The following AGBL4 variants were observed in gnomAD, a reference collection of about 807,000 sequenced individuals.
The protein encoded by AGBL4 is AGBL carboxypeptidase 4.
Under a neutral mutation model 66.4 loss-of-function variants are expected in AGBL4, and 58 were observed. The ratio of observed to expected loss-of-function variants is 0.87; its 90% confidence interval spans 0.71 to 1.09. The LOEUF (loss-of-function observed/expected upper bound fraction) is 1.09. Ranked by LOEUF, AGBL4 falls within the 50% of genes least tolerant of loss-of-function variation. The pLI, the probability that AGBL4 is intolerant of heterozygous loss-of-function variation, is 0.00. For missense variants in AGBL4, 579 were observed against 631.0 expected (o/e 0.92, Z 0.88); for synonymous variants, 234 against 222.9 (o/e 1.05, Z -0.44).
intron 4 of AGBL4, among the ~76,000 whole-genome samples, chr1:49,152,963 A>C (rs1646366186): frequency 6.6e-6 from 1 of 152,116 alleles, no homozygotes; most frequent in African/African-American, 2.4e-5. Flanking sequence ...TGTCTGCCTC[A>C]CAATCAGAAT....
intron 3 of AGBL4, among the ~76,000 whole-genome samples, chr1:49,432,642 A>G (rs1275699325): frequency 6.6e-6 from 1 of 152,152 alleles, no homozygotes; most frequent in African/African-American, 2.4e-5. Context: ...TTTTTATATT[A>G]TATAAATCTC....
intron 1 of AGBL4, among the ~76,000 whole-genome samples, chr1:49,856,989 C>CAAA (rs879541846): frequency 7.7e-6 from 1 of 129,846 alleles, no homozygotes. Context: ...AAGCTTCTGC[C>CAAA]AAAAAAAAAA....
intron 5 of AGBL4, among the ~76,000 whole-genome samples, chr1:48,909,741 A>G (rs2148879235): frequency 6.6e-6 from 1 of 152,366 alleles, no homozygotes; most frequent in Non-Finnish European, 1.5e-5. Flanking sequence ...ATACGTACGA[A>G]ACATACAGAA....
intron 3 of AGBL4, among the ~76,000 whole-genome samples, chr1:49,522,494 A>G (rs1048617658): frequency 3.9e-5 from 6 of 152,082 alleles, no homozygotes; most frequent in African/African-American, 1.4e-4. Flanking sequence ...TACCTGCCCT[A>G]TTAGACTATA....
chr1:49,939,305 C>G (rs1417384069), intron 1 of AGBL4, among the ~76,000 whole-genome samples: 1 of 151,216 alleles, frequency 6.6e-6, no homozygotes, highest in African/African-American at 2.4e-5. Flanking sequence ...TCAATGCCAT[C>G]CCCATCAAGC....
At chr1:49,967,009 G>C (rs993076045) in intron 1 of AGBL4, among the ~76,000 whole-genome samples, 20 of 152,148 alleles carry the variant, frequency 1.3e-4, no homozygotes, top group African/African-American at 4.8e-4. Flanking sequence ...TAATCCTTGG[G>C]GTATATACCC....
intron 9 of AGBL4, among the ~76,000 whole-genome samples, chr1:48,604,657 C>T (rs1008500980): frequency 3.3e-5 from 5 of 151,926 alleles, no homozygotes; most frequent in Non-Finnish European, 5.9e-5. Context: ...TAATCAAATA[C>T]TTAGGCCCTC....
chr1:49,236,712 C>T (rs1224804944), intron 4 of AGBL4, among the ~76,000 whole-genome samples: 2 of 151,976 alleles, frequency 1.3e-5, no homozygotes, highest in Non-Finnish European at 2.9e-5. Flanking sequence ...GTGTATAGTT[C>T]TATGTCATCT....
chr1:49,918,698 A>T (rs1327869595), intron 1 of AGBL4, among the ~76,000 whole-genome samples: 5 of 152,186 alleles, frequency 3.3e-5, no homozygotes, highest in Non-Finnish European at 7.4e-5. Flanking sequence ...ACTATTCCAA[A>T]CAATAGAAAA....
intron 7 of AGBL4, among the ~76,000 whole-genome samples, chr1:48,662,105 C>T (rs148251794): frequency 9.2e-5 from 14 of 152,164 alleles, no homozygotes; most frequent in African/African-American, 3.4e-4. Context: ...TGTAAGAATA[C>T]GAACTGGGAA....
chr1:48,573,805 A>C (rs1644606599), intron 11 of AGBL4, among the ~76,000 whole-genome samples: 1 of 152,208 alleles, frequency 6.6e-6, no homozygotes, highest in South Asian at 2.1e-4. Context: ...GGCTAGTAAT[A>C]ATAATAATAA....
intron 6 of AGBL4, among the ~76,000 whole-genome samples, chr1:48,807,400 TAAG>T (rs1247075845): frequency 1.3e-5 from 2 of 152,218 alleles, no homozygotes; most frequent in African/African-American, 4.8e-5. Context: ...TGATGCAAAT[TAAG>T]AAGAACAAAA....
intron 8 of AGBL4, among the ~76,000 whole-genome samples, chr1:48,649,541 TATC>T (rs1390794561): frequency 4.6e-5 from 7 of 152,244 alleles, no homozygotes; most frequent in African/African-American, 1.7e-4. Context: ...CATAGTCTGG[TATC>T]ATATACAGTA....
At chr1:49,118,548 T>G (rs998196442) in intron 4 of AGBL4, among the ~76,000 whole-genome samples, 1 of 152,200 alleles carries the variant, frequency 6.6e-6, no homozygotes, top group African/African-American at 2.4e-5. Flanking sequence ...GGGATGAAGC[T>G]GACTTGATTG....
At chr1:49,156,604 T>C (rs1278111039) in intron 4 of AGBL4, among the ~76,000 whole-genome samples, 1 of 152,126 alleles carries the variant, frequency 6.6e-6, no homozygotes, top group African/African-American at 2.4e-5. Flanking sequence ...CCTCATTACA[T>C]AGGCCTTTCC....
chr1:48,867,102 A>G (rs1648173466), intron 6 of AGBL4, 89 bp downstream of exon 6: 2 of 1,437,880 alleles, frequency 1.4e-6, no homozygotes, highest in Non-Finnish European at 1.9e-6. Context: ...GAGCCAAAAG[A>G]GAAGGGCAAG....
intron 3 of AGBL4, among the ~76,000 whole-genome samples, chr1:49,255,549 T>C (rs114266690): frequency 0.011 from 1,668 of 152,142 alleles, 25 homozygotes; most frequent in African/African-American, 0.039. Context: ...AAGAAATGAG[T>C]ATACACTGTT....
intron 11 of AGBL4, among the ~76,000 whole-genome samples, chr1:48,561,445 C>T (rs779197143): frequency 2.6e-5 from 4 of 152,174 alleles, no homozygotes; most frequent in Admixed American, 6.5e-5. Context: ...ACCTGTGCTT[C>T]CCTCATGGTG....
chr1:48,635,558 A>G (rs1301397018), intron 8 of AGBL4, among the ~76,000 whole-genome samples: 2 of 152,220 alleles, frequency 1.3e-5, no homozygotes, highest in Non-Finnish European at 2.9e-5. Flanking sequence ...CACTGAGTTC[A>G]GTCCCCCTGT....
Sources: allele counts gnomAD v4.1 joint callset (sites outside exome capture counted in the v4.1 genomes callset), GRCh38; gene constraint gnomAD v4.1.1; transcripts MANE v1.5; gene names NCBI Gene and HGNC (gene_info 2026-07-23, HGNC 2026-07-21).